Variants in NIPAL3 observed in about 807,000 individuals in gnomAD.
NIPAL3 encodes the protein NIPA like domain containing 3, also known as NIPA-like protein 3.
Under a neutral mutation model 47.2 loss-of-function variants are expected in NIPAL3, and 41 were observed. That is an observed-to-expected ratio of 0.87 (90% CI 0.68 to 1.13). The LOEUF (loss-of-function observed/expected upper bound fraction) is 1.13, where lower values mean the gene tolerates loss of function less well. NIPAL3 is among the 50% of genes most tolerant of loss of function. The pLI, the probability that NIPAL3 is intolerant of heterozygous loss-of-function variation, is 0.00. For missense variants in NIPAL3, 449 were observed against 530.1 expected, an observed-to-expected ratio of 0.85 and a Z score of 1.50; for synonymous variants, 194 against 209.6, an observed-to-expected ratio of 0.93 and a Z score of 0.64.
chr1:24,466,178 C>T, intron 11 of NIPAL3: 1 of 1,325,932 alleles, frequency 7.5e-7, no homozygotes, highest in South Asian at 1.4e-5. Flanking sequence ...CTCAGCCAGG[C>T]CTTGGCCCTT....
In NIPAL3 at chr1:24,464,021, C is replaced by T. The variant is rs192863396; in HGVS notation, c.927-5C>T. 2.0e-4 allele frequency: 327 copies of T among 1,609,800 alleles called. 2 individuals carry two copies. The Admixed American group carries it at 2.1e-3, about 11-fold the overall frequency. ...TTCTCTTCCTATCTTATCTCCATTC[C>T]GCAGGTGCCTCATTGCATTCTTGGG... is the stretch of plus-strand genomic sequence containing the variant. On this transcript the variant is annotated splice_region_variant and splice_polypyrimidine_tract_variant and intron_variant, in intron 10 of 11. Coordinates refer to ENST00000374399, the MANE Select transcript of NIPAL3 (RefSeq NM_020448.5).
rs1287975800 is a variant in NIPAL3 at position 24,416,549 on chromosome 1, G to A, written c.-258+645G>A. 1 of 159,274 alleles carries A rather than the reference G, an allele frequency of 6.3e-6. No individual in the cohort carries two copies. Among genetic ancestry groups the A allele is most frequent in the African/African-American group, 2.4e-5 (1 of 41,522 alleles). 9.9% of individuals were successfully genotyped at this position (159,274 alleles called of 1,614,324 possible). On this transcript the variant is annotated intron_variant, in intron 1 of 11. Coordinates refer to ENST00000374399, the MANE Select transcript of NIPAL3 (RefSeq NM_020448.5). This position sits in a 1 kb window ranked among gnomAD's most constrained non-coding sequence, Gnocchi z 4.8. Reference sequence around the variant, plus strand: ...GGTGAAATCCGTCATCGAGATAAACGGGGTGGGAATGGAAGCAGAGCACCT... The same window carrying A: ...GGTGAAATCCGTCATCGAGATAAACAGGGTGGGAATGGAAGCAGAGCACCT...
chr1:24,438,888 TA>T (rs10708610), intron 2 of NIPAL3, among the ~76,000 whole-genome samples: 70,436 of 151,996 alleles, frequency 0.46, 16,918 homozygotes, highest in East Asian at 0.75. Flanking sequence ...TAGTGTGGTT[TA>T]AATGCTAGTA....
intron 11 of NIPAL3, chr1:24,466,007 C>A (rs1326846830): frequency 2.5e-6 from 4 of 1,610,650 alleles, no homozygotes; most frequent in Non-Finnish European, 3.4e-6. Context: ...TACCTAGATT[C>A]ATATCTTCAC....
chr1:24,435,671 T>G (rs1047587327), intron 2 of NIPAL3, among the ~76,000 whole-genome samples: 6 of 152,154 alleles, frequency 3.9e-5, no homozygotes, highest in African/African-American at 7.2e-5. Flanking sequence ...TAGATTAGAC[T>G]TCATCAAAAT....
At chr1:24,441,050 T>G (rs547577404) in intron 3 of NIPAL3, among the ~76,000 whole-genome samples, 2 of 152,322 alleles carry the variant, frequency 1.3e-5, no homozygotes, top group Non-Finnish European at 2.9e-5. Context: ...TCCCACATTC[T>G]TGTCTCAGGG....
rs1430936285 is a variant in NIPAL3, at chr1:24,471,193, G to A, written c.*2008G>A. On this transcript the variant is annotated 3_prime_UTR_variant, in exon 12 of 12. Coordinates refer to ENST00000374399, the MANE Select transcript of NIPAL3 (RefSeq NM_020448.5). Reference sequence around the variant, plus strand: ...TAGGGTGATCACCCCCGAGGCAGAGGGGCCAGCATTTGCAAAGGCACAGAG... The same window carrying A: ...TAGGGTGATCACCCCCGAGGCAGAGAGGCCAGCATTTGCAAAGGCACAGAG... The A allele has an allele frequency of 6.6e-6, 1 of 152,256 alleles. No homozygotes were observed. Among genetic ancestry groups the A allele is most frequent in the African/African-American group, 2.4e-5 (1 of 41,446 alleles). The allele number at this position is 152,256 out of a possible 1,614,324, so 9.4% of individuals were successfully genotyped here.
At chr1:24,428,284 GAGAGAGAGAGAGAGAGAGAC>G (rs1209777871) in intron 2 of NIPAL3, among the ~76,000 whole-genome samples, 1 of 151,358 alleles carries the variant, frequency 6.6e-6, no homozygotes, top group African/African-American at 2.4e-5. Context: ...GAGAGAGAGA[GAGAGAGAGAGAGAGAGAGAC>G]ACCAGAACCT....
At position 24,416,417 on chromosome 1, in the gene NIPAL3, G is replaced by A. The variant is rs572464336; in HGVS notation, c.-258+513G>A. 15 of 833,008 alleles carry A rather than the reference G, an allele frequency of 1.8e-5. No individual in the cohort carries two copies. The South Asian group carries it at 4.9e-4, about 27-fold the overall frequency. 51.6% of individuals were successfully genotyped at this position (833,008 alleles called of 1,614,324 possible). On this transcript the variant is annotated intron_variant, in intron 1 of 11. Transcript: ENST00000374399. This position sits in a 1 kb window ranked among gnomAD's most constrained non-coding sequence, Gnocchi z 4.8. ...TCACCTCCAGAAGCCAGATCGTCGG[G>A]TGGTGGGAAAGAGCGTGTTTTATTG... is the stretch of plus-strand genomic sequence containing the variant.
At position 24,449,449 on chromosome 1, in the gene NIPAL3, A is replaced by G; in HGVS notation, c.395-32A>G. On this transcript the variant is annotated intron_variant, in intron 5 of 11. Transcript: ENST00000374399. This position sits in a 1 kb window ranked among gnomAD's most constrained non-coding sequence, Gnocchi z 4.5. ...TACTGTATCTTGGGCCTGTTGTTGC[A>G]ATGAGTCCGTGACAGCCTCTCTTCC... 6.2e-7 allele frequency: 1 copy of G among 1,609,946 alleles called. No homozygotes were observed. Among genetic ancestry groups the G allele is most frequent in the Non-Finnish European group, 8.5e-7 (1 of 1,178,178 alleles).
intron 4 of NIPAL3, 53 bp from the exon 5 acceptor site, chr1:24,445,132 C>T (rs979927911): frequency 1.8e-5 from 23 of 1,287,280 alleles, no homozygotes; most frequent in Non-Finnish European, 2.5e-5. Context: ...TGAAGGGATG[C>T]CCTTTAGCTG....
intron 2 of NIPAL3, among the ~76,000 whole-genome samples, chr1:24,434,729 G>A (rs1001996888): frequency 3.9e-5 from 6 of 152,092 alleles, no homozygotes; most frequent in Non-Finnish European, 7.4e-5. Flanking sequence ...ATTATACAAA[G>A]TATGTTTTCT....
At chr1:24,425,130 A>T (rs1414179397) in intron 2 of NIPAL3, among the ~76,000 whole-genome samples, 1 of 152,108 alleles carries the variant, frequency 6.6e-6, no homozygotes, top group Non-Finnish European at 1.5e-5. Context: ...CAGCTGGGAA[A>T]AGTCAGGTCT....
rs1646074363 is a variant in NIPAL3, at chr1:24,454,069, C to G, written c.637+565C>G. 1 of 647,652 alleles carries G rather than the reference C, an allele frequency of 1.5e-6. No individual in the cohort carries two copies. The highest frequency in any genetic ancestry group is 2.5e-6 in the Non-Finnish European group (1 of 406,550). 40.1% of individuals were successfully genotyped at this position (647,652 alleles called of 1,614,324 possible). A position where few individuals can be genotyped will look rare whatever the true frequency, so the allele number is the denominator to read the frequency against. On this transcript the variant is annotated intron_variant, in intron 7 of 11. Transcript: ENST00000374399. The surrounding 1 kb of genome is among the most constrained non-coding windows in gnomAD (Gnocchi z 4.1). ...TTTGAGACAGTCTTGCTCTGTCACC[C>G]AGGCTGGAGTGCAGTGGTACAATCT... is the stretch of plus-strand genomic sequence containing the variant.
intron 10 of NIPAL3, among the ~76,000 whole-genome samples, chr1:24,461,477 G>T (rs1328376085): frequency 6.6e-6 from 1 of 151,140 alleles, no homozygotes; most frequent in Non-Finnish European, 1.5e-5. Context: ...GGGAGGCGGA[G>T]GTTGTGGTGA....
intron 6 of NIPAL3, among the ~76,000 whole-genome samples, chr1:24,452,969 T>G (rs144923871): frequency 0.016 from 2,404 of 151,678 alleles, 67 homozygotes; most frequent in African/African-American, 0.055. Context: ...CCCAAAGTGC[T>G]AGGGTTACAG....
In NIPAL3 at chr1:24,419,434, C is replaced by T. The variant is rs912305781; in HGVS notation, c.-114C>T. ...GTATTCTTTTGTCATGAGGAAGTGACGGCTGCTGGAGGGAGGTGAACACCA... is the reference window on the plus strand; with the variant it reads ...GTATTCTTTTGTCATGAGGAAGTGATGGCTGCTGGAGGGAGGTGAACACCA... On this transcript the variant is annotated 5_prime_UTR_variant, in exon 2 of 12. In the 5' UTR this introduces an upstream ATG that the reference lacks. Transcript: ENST00000374399. The T allele has an allele frequency of 6.9e-5, 95 of 1,376,446 alleles. No individual in the cohort carries two copies. The highest frequency in any genetic ancestry group is 7.7e-5 in the Non-Finnish European group (82 of 1,061,578). 85.3% of individuals were successfully genotyped at this position (1,376,446 alleles called of 1,614,324 possible).
chr1:24,438,365 A>G (rs1645221305), intron 2 of NIPAL3, among the ~76,000 whole-genome samples: 1 of 152,292 alleles, frequency 6.6e-6, no homozygotes, highest in South Asian at 2.1e-4. Context: ...CTGGCTCCAC[A>G]TCTTTCCCTT....
intron 2 of NIPAL3, among the ~76,000 whole-genome samples, chr1:24,431,534 T>C (rs1337510169): frequency 6.6e-6 from 1 of 152,188 alleles, no homozygotes; most frequent in Non-Finnish European, 1.5e-5. Context: ...TAAAATTTAT[T>C]TTATGACCTT....
Sources: allele counts gnomAD v4.1 joint callset (sites outside exome capture counted in the v4.1 genomes callset), GRCh38; gene constraint gnomAD v4.1.1; non-coding constraint Gnocchi (gnomAD v3.1); transcripts MANE v1.5; gene names NCBI Gene and HGNC (gene_info 2026-07-23, HGNC 2026-07-21).